Variants in MIB2 observed in about 807,000 individuals in gnomAD.
MIB2 encodes MIB E3 ubiquitin protein ligase 2.
Under a neutral mutation model 96.6 loss-of-function variants are expected in MIB2, and 78 were observed. The observed-to-expected ratio is 0.81, with a 90% CI of 0.67 to 0.97. The LOEUF is 0.97. MIB2 is among the 50% of genes least tolerant of loss of function. The pLI is 0.00. For synonymous variants in MIB2, 820 were observed against 629.5 expected (o/e 1.30, Z -4.53); for missense variants, 1,543 against 1,424.0 (o/e 1.08, Z -1.35).
rs1234053266 is a variant in MIB2 at position 1,629,663 on chromosome 1, G to A, written c.2588G>A (p.Cys863Tyr). The change falls in exon 19 of 20, where the codon TGC becomes TAC. Residue 863 changes from cysteine (C) to tyrosine (Y), a missense_variant. Cys to Tyr is a radical substitution (Grantham distance 194). Transcript: ENST00000355826. Reference protein sequence around the residue: ...CEECARRMKKCIRCQVVVSKK... With the variant: ...CEECARRMKKYIRCQVVVSKK... The stretch of plus-strand genomic sequence containing the variant: ...GAGTGCGCGCGCAGGATGAAGAAGT[G>A]CATCAGGTGCCAGGTGGTCGTCAGC... 1 of 1,600,164 alleles carries A rather than the reference G, an allele frequency of 6.2e-7. No homozygotes were observed.
chr1:1,615,819 C>A, intron 1 of MIB2, 186 bp downstream of exon 1: 2 of 1,303,796 alleles, frequency 1.5e-6, no homozygotes, highest in South Asian at 4.1e-5. Context: ...GCGGGGCCTC[C>A]TGGGAGTTGT....
intron 2 of MIB2, among the ~76,000 whole-genome samples, chr1:1,621,869 G>T (rs1474788044): frequency 1.3e-5 from 2 of 152,256 alleles, no homozygotes; most frequent in East Asian, 3.8e-4. Context: ...CCGGAGTGGG[G>T]CTGGGCTCCT....
chr1:1,616,653 T>C, intron 2 of MIB2, 39 bp downstream of exon 2: 2 of 1,507,170 alleles, frequency 1.3e-6, no homozygotes, highest in Non-Finnish European at 1.8e-6. Flanking sequence ...AGTTTGCACT[T>C]GGCTCTCCCA....
At chr1:1,619,946 G>A (rs929897342) in intron 2 of MIB2, among the ~76,000 whole-genome samples, 3 of 152,306 alleles carry the variant, frequency 2.0e-5, no homozygotes, top group East Asian at 1.9e-4. Context: ...TGCCAGTCTG[G>A]GGCACAGGCT....
In MIB2 at chr1:1,625,457, T is replaced by G. The variant is rs761105920; in HGVS notation, c.864+29T>G. The G allele has an allele frequency of 1.5e-5, 23 of 1,561,338 alleles. No homozygotes were observed. Among genetic ancestry groups the G allele is most frequent in the Non-Finnish European group, 2.0e-5 (23 of 1,153,092 alleles). ...AGCCGCCCCGCCGTGGAGCCCTGTG[T>G]GCCCTGCCCTCCCAGCCCTCCGCCC... is the stretch of plus-strand genomic sequence containing the variant. On this transcript the variant is annotated intron_variant, in intron 7 of 19. Transcript: ENST00000355826. The surrounding 1 kb of genome is among the most constrained non-coding windows in gnomAD (Gnocchi z 5.0).
At position 1,624,619 on chromosome 1, in the gene MIB2, G is replaced by T. The variant is rs1006359540; in HGVS notation, c.420-176G>T. 3 of 684,038 alleles carry T rather than the reference G, an allele frequency of 4.4e-6. No homozygotes were observed. In the East Asian group the frequency reaches 8.1e-5, roughly 18 times the overall value. 42.4% of individuals were successfully genotyped at this position (684,038 alleles called of 1,614,324 possible). ...GAGCCCAGGGGCATTTCCTCACAGCGTGTGGAGGATGCTGACCTGCTGGAC... is the reference window on the plus strand; with the variant it reads ...GAGCCCAGGGGCATTTCCTCACAGCTTGTGGAGGATGCTGACCTGCTGGAC... On this transcript the variant is annotated intron_variant, in intron 4 of 19. Coordinates refer to ENST00000355826, the MANE Select transcript of MIB2 (RefSeq NM_001170687.4).
Position 1,628,163 on chromosome 1 carries a change from C to T in MIB2, c.1825C>T (p.Leu609Phe), listed in dbSNP as rs768072481. 6.2e-6 allele frequency: 10 copies of T among 1,613,378 alleles called. No homozygotes were observed. The highest frequency in any genetic ancestry group is 8.5e-7 in the Non-Finnish European group (1 of 1,180,002). Residue 609 changes from leucine (L) to phenylalanine (F), a missense_variant, in exon 14 of 20, where the codon CTC (leucine) becomes TTC (phenylalanine). Leu to Phe is a conservative substitution (Grantham distance 22). Transcript: ENST00000355826. ...TTTCACCCTGCTGCACCATGCCTCC[C>T]TCAAGGGTCACGCGCTGTGAGTGTG... is the stretch of plus-strand genomic sequence containing the variant. ...QGFTLLHHAS[L>F]KGHALAVRKI...
At chr1:1,624,683 G>T in intron 4 of MIB2, 112 bp from the exon 5 acceptor site, 1 of 1,018,064 alleles carries the variant, frequency 9.8e-7, no homozygotes. Flanking sequence ...GCGGAGCCCA[G>T]CAGGCTGGGT....
At position 1,615,575 on chromosome 1, in the gene MIB2, G is replaced by A; in HGVS notation, c.-188G>A. On this transcript the variant is annotated 5_prime_UTR_variant, in exon 1 of 20. Coordinates refer to ENST00000355826, the MANE Select transcript of MIB2 (RefSeq NM_001170687.4). ...GCCCAGGAGGGCCTGGGAGCCCGAA[G>A]CCGTCCCCGAGTCGCTCCTAGGTCA... is the stretch of plus-strand genomic sequence containing the variant. The A allele has an allele frequency of 6.5e-7, 1 of 1,543,352 alleles. No homozygotes were observed. The highest frequency in any genetic ancestry group is 8.7e-7 in the Non-Finnish European group (1 of 1,148,514).
At chr1:1,622,652 G>A (rs1043596333) in intron 2 of MIB2, among the ~76,000 whole-genome samples, 4 of 152,196 alleles carry the variant, frequency 2.6e-5, no homozygotes, top group Admixed American at 6.5e-5. Flanking sequence ...ACTCAGCCCC[G>A]CTTCAGGACC....
In MIB2 at chr1:1,624,755, G is replaced by C. The variant is rs79765738; in HGVS notation, c.420-40G>C. ...GTGGCTCAAGATGGGAAGAGATGGC[G>C]GTTTTCTTCTGAGAGCTTTATTTGT... On this transcript the variant is annotated intron_variant, in intron 4 of 19. Transcript: ENST00000355826. 3.2e-6 allele frequency: 5 copies of C among 1,573,842 alleles called. No homozygotes were observed. In the Admixed American group the frequency reaches 8.7e-5, roughly 27 times the overall value.
Position 1,625,733 on chromosome 1 carries a change from G to A in MIB2, c.972+80G>A. On this transcript the variant is annotated intron_variant, in intron 8 of 19. Transcript: ENST00000355826. This position sits in a 1 kb window ranked among gnomAD's most constrained non-coding sequence, Gnocchi z 5.0. ...GTACCCCCTTGGCCTTGGGGGGTCAGGCAGGACTAGGGTGCCAGCTGCACC... is the reference window on the plus strand; with the variant it reads ...GTACCCCCTTGGCCTTGGGGGGTCAAGCAGGACTAGGGTGCCAGCTGCACC... 8.3e-7 allele frequency: 1 copy of A among 1,208,650 alleles called. No individual in the cohort carries two copies. The highest frequency in any genetic ancestry group is 1.2e-6 in the Non-Finnish European group (1 of 848,440). 74.9% of individuals were successfully genotyped at this position (1,208,650 alleles called of 1,614,324 possible). A position where few individuals can be genotyped will look rare whatever the true frequency, so the allele number is the denominator to read the frequency against.
In MIB2 at chr1:1,628,182, G is replaced by A; in HGVS notation, c.1841+3G>A. On this transcript the variant is annotated splice_donor_region_variant and intron_variant, in intron 14 of 19. Transcript: ENST00000355826. ...GCCTCCCTCAAGGGTCACGCGCTGT[G>A]AGTGTGGGGTGGGCACACAGCTGCA... 6.2e-7 allele frequency: 1 copy of A among 1,613,094 alleles called. No individual in the cohort carries two copies.
intron 2 of MIB2, among the ~76,000 whole-genome samples, chr1:1,621,517 G>A (rs1369439079): frequency 6.9e-6 from 1 of 144,626 alleles, no homozygotes; most frequent in East Asian, 1.9e-4. Flanking sequence ...AGCGTCACCC[G>A]ACAGGTGAGG....
chr1:1,628,322 AAGG>A lies in MIB2; in HGVS notation c.1896_1898del (p.Glu632del), dbSNP rs748416793. ...GGCGCGGCAGCTGGTGGACGCCAAG[AAGG>A]AGGACGGCTTCACGGCGCTGCATCT... On this transcript the variant is annotated inframe_deletion, in exon 15 of 20. Transcript: ENST00000355826. 3 of 1,612,846 alleles carry A rather than the reference AAGG, an allele frequency of 1.9e-6. No homozygotes were observed. Among genetic ancestry groups the A allele is most frequent in the Non-Finnish European group, 2.5e-6 (3 of 1,179,926 alleles).
chr1:1,621,642 G>C (rs962899936), intron 2 of MIB2, among the ~76,000 whole-genome samples: 1 of 152,256 alleles, frequency 6.6e-6, no homozygotes, highest in Non-Finnish European at 1.5e-5. Flanking sequence ...CTGACAGGGA[G>C]AGCTGTGCTT....
rs1000486332 is a variant in MIB2, at chr1:1,630,594, A to C, written c.*64A>C. The C allele has an allele frequency of 4.5e-6, 6 of 1,324,740 alleles. No individual in the cohort carries two copies. The highest frequency in any genetic ancestry group is 6.0e-6 in the Non-Finnish European group (6 of 997,066). 82.1% of individuals were successfully genotyped at this position (1,324,740 alleles called of 1,614,324 possible). On this transcript the variant is annotated 3_prime_UTR_variant, in exon 20 of 20. Transcript: ENST00000355826. ...CCCCGCCCTGTGTTTTATAAAAAGA[A>C]AGATTCTCGGACGTTGCCTCTGCTG...
At chr1:1,620,187 G>A (rs1359065301) in intron 2 of MIB2, among the ~76,000 whole-genome samples, 1 of 152,256 alleles carries the variant, frequency 6.6e-6, no homozygotes, top group Non-Finnish European at 1.5e-5. Flanking sequence ...TATGGCCAGC[G>A]GGTCGGGCAG....
rs1644498069 is a variant in MIB2 at position 1,623,937 on chromosome 1, C to T, written c.411C>T (p.His137=). 2 of 1,606,536 alleles carry T rather than the reference C, an allele frequency of 1.2e-6. No individual in the cohort carries two copies. Among genetic ancestry groups the T allele is most frequent in the South Asian group, 1.1e-5 (1 of 90,732 alleles). The change falls in exon 4 of 20, where the codon CAC becomes CAT. Residue 137 remains histidine (H), a synonymous_variant. Coordinates refer to ENST00000355826, the MANE Select transcript of MIB2 (RefSeq NM_001170687.4). ...AHAFDRYETA[H]SRPVTLSPRQ... The stretch of plus-strand genomic sequence containing the variant: ...CCTTCGACCGCTACGAGACCGCTCA[C>T]TCGCGCCCGTGAGTCCCGGGCCGCA...
Sources: gnomAD v4.1 joint callset for allele counts (sites outside exome capture counted in the v4.1 genomes callset) on GRCh38, gnomAD v4.1.1 for gene constraint, Gnocchi (gnomAD v3.1) non-coding constraint, MANE v1.5 for transcripts, NCBI Gene and HGNC (gene_info 2026-07-23, HGNC 2026-07-21) for gene names.